Variants in KIRREL3 observed in about 807,000 individuals in gnomAD.
KIRREL3 encodes kirre like nephrin family adhesion molecule 3, also known as kin of IRRE-like protein 3.
Under a neutral mutation model 89.7 loss-of-function variants are expected in KIRREL3, and 36 were observed. That is an observed-to-expected ratio of 0.40 (90% confidence interval 0.31 to 0.53). The LOEUF is 0.53. Among genes scored for constraint, KIRREL3 ranks in the 20% least tolerant of loss-of-function variants. KIRREL3 has a pLI of 0.49. For missense variants in KIRREL3, 864 were observed against 1,056.6 expected (o/e 0.82, Z 2.53); for synonymous variants, 445 against 441.4 (o/e 1.01, Z -0.10).
intron 1 of KIRREL3, among the ~76,000 whole-genome samples, chr11:126,583,469 G>A (rs1208845709): frequency 6.6e-6 from 1 of 152,158 alleles, no homozygotes; most frequent in East Asian, 1.9e-4. Context: ...GCCTCAGCAC[G>A]AGCACCAGGA....
chr11:126,781,481 C>T (rs1365432326), intron 1 of KIRREL3, among the ~76,000 whole-genome samples: 1 of 152,186 alleles, frequency 6.6e-6, no homozygotes, highest in African/African-American at 2.4e-5. Flanking sequence ...ACTGTGTATA[C>T]AATTTTGTTT....
At chr11:126,801,466 AACCATCCCCAAATC>A (rs1951030768) in intron 1 of KIRREL3, among the ~76,000 whole-genome samples, 1 of 152,226 alleles carries the variant, frequency 6.6e-6, no homozygotes, top group African/African-American at 2.4e-5. Context: ...TGTGTGGGGT[AACCATCCCCAAATC>A]TCTCATATGT....
chr11:126,453,873 C>G (rs1591563996), intron 7 of KIRREL3, among the ~76,000 whole-genome samples: 1 of 152,144 alleles, frequency 6.6e-6, no homozygotes, highest in Non-Finnish European at 1.5e-5. Context: ...GCAGGGCACC[C>G]TGCCCTCCCT....
Position 126,571,200 on chromosome 11 carries a change from T to C in KIRREL3, c.56-8288A>G, listed in dbSNP as rs1035299670. On this transcript the variant is annotated intron_variant, in intron 1 of 16. Coordinates refer to ENST00000525144, the MANE Select transcript of KIRREL3 (RefSeq NM_032531.4). This position sits in a 1 kb window ranked among gnomAD's most constrained non-coding sequence, Gnocchi z 7.7. The stretch of plus-strand genomic sequence containing the variant: ...GCTTTTTGATACCTTGCCTAGCTCT[T>C]ATCATCTTTCTCTCCTTGGAGGGCT... 1.5e-4 allele frequency among the ~76,000 whole-genome samples: 23 copies of C among 152,324 alleles called. No homozygotes were observed. Among genetic ancestry groups the C allele is most frequent in the Admixed American group, 5.2e-4 (8 of 15,304 alleles).
At position 126,562,075 on chromosome 11, in the gene KIRREL3, C is replaced by G. The variant is rs1423660900; in HGVS notation, c.133+760G>C. On this transcript the variant is annotated intron_variant, in intron 2 of 16. Transcript: ENST00000525144. This position sits in a 1 kb window ranked among gnomAD's most constrained non-coding sequence, Gnocchi z 4.7. ...CTGACTTTAATGAATAAATGGCATC[C>G]CCAGCCATTGTTTATCTACTTTTGA... Among the ~76,000 whole-genome samples the G allele has an allele frequency of 6.6e-6, 1 of 152,176 alleles. No homozygotes were observed. Among genetic ancestry groups the G allele is most frequent in the Non-Finnish European group, 1.5e-5 (1 of 68,030 alleles).
In KIRREL3 at chr11:126,911,938, G is replaced by A. The variant is rs537962492; in HGVS notation, c.55+88517C>T. ...GCAGAGCTTGCAGTGAGCCGAGATG[G>A]CACCACTGCACTCCAGCCTGGGCGA... is the stretch of plus-strand genomic sequence containing the variant. On this transcript the variant is annotated intron_variant, in intron 1 of 16. Coordinates refer to ENST00000525144, the MANE Select transcript of KIRREL3 (RefSeq NM_032531.4). Among the ~76,000 whole-genome samples the A allele has an allele frequency of 2.2e-5, 3 of 137,382 alleles. No homozygotes were observed. In the South Asian group the frequency reaches 7.2e-4, roughly 33 times the overall value. The allele number at this position is 137,382 out of a possible 152,430, so 90.1% of individuals were successfully genotyped here. A position where few individuals can be genotyped will look rare whatever the true frequency, so the allele number is the denominator to read the frequency against.
In KIRREL3 at chr11:126,641,551, G is replaced by T. The variant is rs966871234; in HGVS notation, c.56-78639C>A. ...TAGACTGTGAGCAAATAACATTCTG[G>T]CCAGTGGGATATGTCTCACCAATCC... On this transcript the variant is annotated intron_variant, in intron 1 of 16. Transcript: ENST00000525144. This position sits in a 1 kb window ranked among gnomAD's most constrained non-coding sequence, Gnocchi z 5.0. 3.3e-5 allele frequency among the ~76,000 whole-genome samples: 5 copies of T among 151,918 alleles called. No individual in the cohort carries two copies. The highest frequency in any genetic ancestry group is 7.4e-5 in the Non-Finnish European group (5 of 67,976).
intron 1 of KIRREL3, among the ~76,000 whole-genome samples, chr11:126,850,077 C>T (rs1944292769): frequency 6.6e-6 from 1 of 152,190 alleles, no homozygotes; most frequent in African/African-American, 2.4e-5. Flanking sequence ...CTTTCTTTAG[C>T]CACCAAAGCG....
rs1944461390 is a variant in KIRREL3 at position 126,641,359 on chromosome 11, C to T, written c.56-78447G>A. On this transcript the variant is annotated intron_variant, in intron 1 of 16. Coordinates refer to ENST00000525144, the MANE Select transcript of KIRREL3 (RefSeq NM_032531.4). This position sits in a 1 kb window ranked among gnomAD's most constrained non-coding sequence, Gnocchi z 5.0. ...GGTTTAGCAGGGTCTCTACTCCAGGCCTTGTCTCTGAAGAGCCTCTTGGTG... is the reference window on the plus strand; with the variant it reads ...GGTTTAGCAGGGTCTCTACTCCAGGTCTTGTCTCTGAAGAGCCTCTTGGTG... 6.6e-6 allele frequency among the ~76,000 whole-genome samples: 1 copy of T among 151,872 alleles called. No homozygotes were observed. Among genetic ancestry groups the T allele is most frequent in the Non-Finnish European group, 1.5e-5 (1 of 67,992 alleles).
In KIRREL3 at chr11:126,905,996, C is replaced by G; in HGVS notation, c.55+94459G>C. Among the ~76,000 whole-genome samples the G allele has an allele frequency of 6.6e-6, 1 of 152,180 alleles. No individual in the cohort carries two copies. The highest frequency in any genetic ancestry group is 1.9e-4 in the East Asian group (1 of 5,184). On this transcript the variant is annotated intron_variant, in intron 1 of 16. Transcript: ENST00000525144. This position sits in a 1 kb window ranked among gnomAD's most constrained non-coding sequence, Gnocchi z 5.0. ...AAATTGTCAGTTCAGGTCTCCAGGTCAAAAATCATTTTATCTGCTGAAGCA... is the reference window on the plus strand; with the variant it reads ...AAATTGTCAGTTCAGGTCTCCAGGTGAAAAATCATTTTATCTGCTGAAGCA...
chr11:126,762,051 C>A (rs1345763572), intron 1 of KIRREL3, among the ~76,000 whole-genome samples: 1 of 151,958 alleles, frequency 6.6e-6, no homozygotes, highest in African/African-American at 2.4e-5. Flanking sequence ...TGGTGGTGTG[C>A]AACTGGCTAC....
intron 1 of KIRREL3, among the ~76,000 whole-genome samples, chr11:126,793,071 A>G (rs116078048): frequency 0.027 from 4,097 of 152,182 alleles, 182 homozygotes; most frequent in African/African-American, 0.094. Context: ...AGTGTTCACT[A>G]TCTCACATGT....
chr11:126,824,889 A>G (rs922545496), intron 1 of KIRREL3, among the ~76,000 whole-genome samples: 1 of 152,198 alleles, frequency 6.6e-6, no homozygotes, highest in African/African-American at 2.4e-5. Context: ...AATTCAACAG[A>G]ACCATTTTAG....
Position 126,676,190 on chromosome 11 carries a change from G to T in KIRREL3, c.56-113278C>A, listed in dbSNP as rs917791029. Among the ~76,000 whole-genome samples, 1 of 152,118 alleles carries T rather than the reference G, an allele frequency of 6.6e-6. No individual in the cohort carries two copies. The highest frequency in any genetic ancestry group is 1.5e-5 in the Non-Finnish European group (1 of 68,044). ...GACTTCATTAGAGATTACAAGCAGG[G>T]GTGTCATCAGCATCAAGGTGCTAGT... On this transcript the variant is annotated intron_variant, in intron 1 of 16. Transcript: ENST00000525144. The surrounding 1 kb of genome is among the most constrained non-coding windows in gnomAD (Gnocchi z 4.5).
intron 11 of KIRREL3, among the ~76,000 whole-genome samples, chr11:126,437,295 T>G (rs540568199): frequency 6.6e-6 from 1 of 152,030 alleles, no homozygotes; most frequent in East Asian, 1.9e-4. Flanking sequence ...ACATCACACG[T>G]CTATACACAG....
Position 126,525,504 on chromosome 11 carries a change from T to C in KIRREL3, c.283+1034A>G, listed in dbSNP as rs907371962. On this transcript the variant is annotated intron_variant, in intron 3 of 16. Coordinates refer to ENST00000525144, the MANE Select transcript of KIRREL3 (RefSeq NM_032531.4). The surrounding 1 kb of genome is among the most constrained non-coding windows in gnomAD (Gnocchi z 5.4). ...TGACCATTGCTATAATGTTTCAATA[T>C]ACATTTTTGGCAAGACATAACTCAC... 6.6e-6 allele frequency among the ~76,000 whole-genome samples: 1 copy of C among 152,222 alleles called. No individual in the cohort carries two copies. Among genetic ancestry groups the C allele is most frequent in the Admixed American group, 6.5e-5 (1 of 15,290 alleles).
intron 1 of KIRREL3, among the ~76,000 whole-genome samples, chr11:126,820,984 C>A (rs1481805074): frequency 2.0e-5 from 3 of 152,018 alleles, no homozygotes; most frequent in Non-Finnish European, 4.4e-5. Flanking sequence ...GTCTGAGATA[C>A]CACGGGCACA....
chr11:126,649,623 A>G (rs1414657213), intron 1 of KIRREL3, among the ~76,000 whole-genome samples: 2 of 152,174 alleles, frequency 1.3e-5, no homozygotes, highest in Admixed American at 6.5e-5. Context: ...ATGCTGATGC[A>G]AGAGGTGGGT....
chr11:126,849,472 G>A (rs1944263665), intron 1 of KIRREL3, among the ~76,000 whole-genome samples: 1 of 152,112 alleles, frequency 6.6e-6, no homozygotes, highest in African/African-American at 2.4e-5. Context: ...TCTTTCTTAT[G>A]TGAGATCCAA....
Sources: allele counts gnomAD v4.1 joint callset (sites outside exome capture counted in the v4.1 genomes callset), GRCh38; gene constraint gnomAD v4.1.1; non-coding constraint Gnocchi (gnomAD v3.1); transcripts MANE v1.5; gene names NCBI Gene and HGNC (gene_info 2026-07-23, HGNC 2026-07-21).